IQCB1: variants seen among roughly 807,000 people sequenced by gnomAD.
IQCB1 encodes the protein IQ motif containing B1.
Under a neutral mutation model 84.4 loss-of-function variants are expected in IQCB1, and 56 were observed. The observed-to-expected ratio is 0.66, with a 90% CI of 0.54 to 0.83. IQCB1 has a LOEUF of 0.83. IQCB1 is among the 40% of genes least tolerant of loss of function. The pLI is 0.00. For synonymous variants in IQCB1, 210 were observed against 234.8 expected (o/e 0.89, Z 0.96); for missense variants, 629 against 682.1 (o/e 0.92, Z 0.87).
chr3:121,817,746 C>T (rs2108617345), intron 5 of IQCB1, among the ~76,000 whole-genome samples: 1 of 152,180 alleles, frequency 6.6e-6, no homozygotes, highest in South Asian at 2.1e-4. Flanking sequence ...TATGTTGAAA[C>T]CCTAACCTCT....
chr3:121,826,683 T>C (rs184369561), intron 4 of IQCB1, among the ~76,000 whole-genome samples: 236 of 152,320 alleles, frequency 1.5e-3, no homozygotes, highest in Non-Finnish European at 2.5e-3. Context: ...ATTTGCATAT[T>C]CCTTATATCA....
At chr3:121,819,008 C>A (rs1950175162) in intron 5 of IQCB1, among the ~76,000 whole-genome samples, 1 of 151,938 alleles carries the variant, frequency 6.6e-6, no homozygotes, top group Admixed American at 6.6e-5. Flanking sequence ...GGTCTCTAAC[C>A]TTTTTTGCAC....
intron 12 of IQCB1, among the ~76,000 whole-genome samples, chr3:121,783,681 G>C (rs1948596088): frequency 6.6e-6 from 1 of 151,914 alleles, no homozygotes; most frequent in Admixed American, 6.6e-5. Context: ...TTCCTGACCT[G>C]CTGTAATTTG....
At chr3:121,774,174 T>A (rs6774164) in intron 13 of IQCB1, among the ~76,000 whole-genome samples, 1 of 151,838 alleles carries the variant, frequency 6.6e-6, no homozygotes, top group Non-Finnish European at 1.5e-5. Flanking sequence ...AATAAACACA[T>A]GAAAAGATGC....
chr3:121,831,132 C>A (rs544601550), intron 2 of IQCB1, among the ~76,000 whole-genome samples: 1 of 151,788 alleles, frequency 6.6e-6, no homozygotes, highest in South Asian at 2.1e-4. Context: ...AAGCTCTGTG[C>A]CCCTTCCCAT....
At chr3:121,798,120 T>C (rs1337239191) in intron 8 of IQCB1, among the ~76,000 whole-genome samples, 1 of 151,952 alleles carries the variant, frequency 6.6e-6, no homozygotes, top group African/African-American at 2.4e-5. Flanking sequence ...CTTTAGGAAT[T>C]GAATTACAGA....
At chr3:121,800,551 A>G (rs1026875444) in intron 7 of IQCB1, among the ~76,000 whole-genome samples, 1 of 151,858 alleles carries the variant, frequency 6.6e-6, no homozygotes, top group African/African-American at 2.4e-5. Context: ...GCTATTCCCT[A>G]TGCCTAGGAT....
At position 121,790,992 on chromosome 3, in the gene IQCB1, C is replaced by T. The variant is rs1268511174; in HGVS notation, c.987-777G>A. On this transcript the variant is annotated intron_variant, in intron 10 of 14. Coordinates refer to ENST00000310864, the MANE Select transcript of IQCB1 (RefSeq NM_001023570.4). ...TATCTGCTTTTATTCACCAAAATTT[C>T]TCCTTAGCCATTCCCATCTAGTTTT... 2.6e-5 allele frequency among the ~76,000 whole-genome samples: 4 copies of T among 152,216 alleles called. No homozygotes were observed. In the East Asian group the frequency reaches 7.7e-4, roughly 29 times the overall value.
chr3:121,771,325 T>C (rs1208379582), intron 14 of IQCB1, among the ~76,000 whole-genome samples: 1 of 151,996 alleles, frequency 6.6e-6, no homozygotes, highest in Admixed American at 6.6e-5. Flanking sequence ...AGATGGCTTA[T>C]TTATTTATAT....
At chr3:121,826,392 C>T (rs1224171823) in intron 4 of IQCB1, among the ~76,000 whole-genome samples, 2 of 152,158 alleles carry the variant, frequency 1.3e-5, no homozygotes, top group African/African-American at 4.8e-5. Flanking sequence ...TTTATGTATC[C>T]TAAAAACCTA....
chr3:121,770,369 G>A lies in IQCB1; in HGVS notation c.1773C>T (p.Phe591=). The change falls in exon 15 of 15, where the codon TTC becomes TTT. Residue 591 remains phenylalanine, a synonymous_variant. Transcript: ENST00000310864. The stretch of plus-strand genomic sequence containing the variant: ...ACTAAGGTGGTTTGGTTCCACCAAT[G>A]AATAAATTTTCTAATTCTATACTAA... ...DELSIELENL[F]IGGTKPP 1 of 1,612,656 alleles carries A rather than the reference G, an allele frequency of 6.2e-7. No homozygotes were observed. The highest frequency in any genetic ancestry group is 1.3e-5 in the African/African-American group (1 of 75,018).
chr3:121,792,984 A>G (rs1949050858), intron 10 of IQCB1, among the ~76,000 whole-genome samples: 1 of 152,340 alleles, frequency 6.6e-6, no homozygotes, highest in South Asian at 2.1e-4. Context: ...ATTCTGAAAT[A>G]AGTAAATTCC....
intron 4 of IQCB1, 68 bp from the exon 5 acceptor site, chr3:121,826,248 T>G (rs1423786419): frequency 7.4e-6 from 11 of 1,478,704 alleles, no homozygotes; most frequent in Admixed American, 5.1e-5. Flanking sequence ...CTAGAGACAC[T>G]GTGCCTTATT....
At chr3:121,778,502 A>T (rs1258065038) in intron 13 of IQCB1, among the ~76,000 whole-genome samples, 1 of 151,824 alleles carries the variant, frequency 6.6e-6, no homozygotes, top group Non-Finnish European at 1.5e-5. Context: ...CTGGTGATCA[A>T]GTCTTTCAGC....
intron 12 of IQCB1, among the ~76,000 whole-genome samples, chr3:121,785,347 G>C (rs1003056602): frequency 1.3e-5 from 2 of 151,710 alleles, no homozygotes; most frequent in Non-Finnish European, 2.9e-5. Context: ...CAACTTCCCA[G>C]GCTCAGGTGA....
intron 5 of IQCB1, among the ~76,000 whole-genome samples, chr3:121,810,655 G>T (rs1478503609): frequency 1.3e-5 from 2 of 151,844 alleles, no homozygotes; most frequent in Non-Finnish European, 2.9e-5. Context: ...TTAAATAAAG[G>T]TGCTTTGAAG....
rs574427018 is a variant in IQCB1 at position 121,824,309 on chromosome 3, G to A, written c.393+1742C>T. On this transcript the variant is annotated intron_variant, in intron 5 of 14. Transcript: ENST00000310864. ...GCAGCCTGTACAGTGCTGATATGCT[G>A]GTCAAGGGGTGCTTCACATCCTGGG... Among the ~76,000 whole-genome samples, 27 of 152,074 alleles carry A rather than the reference G, an allele frequency of 1.8e-4. 1 individual carries two copies. The highest frequency in any genetic ancestry group is 1.8e-3 in the Admixed American group (27 of 15,268).
chr3:121,805,651 C>T (rs764883646), intron 7 of IQCB1, among the ~76,000 whole-genome samples: 2 of 152,112 alleles, frequency 1.3e-5, no homozygotes, highest in East Asian at 1.9e-4. Flanking sequence ...TACCCAATGA[C>T]GCACTGTTTA....
chr3:121,796,360 T>A (rs1228603453), intron 9 of IQCB1, among the ~76,000 whole-genome samples: 1 of 152,044 alleles, frequency 6.6e-6, no homozygotes, highest in Non-Finnish European at 1.5e-5. Context: ...ATATACAATG[T>A]CCCCTTTTCC....
Sources: allele counts gnomAD v4.1 joint callset (sites outside exome capture counted in the v4.1 genomes callset), GRCh38; gene constraint gnomAD v4.1.1; transcripts MANE v1.5; gene names NCBI Gene and HGNC (gene_info 2026-07-23, HGNC 2026-07-21).